The following SCD5 variants were observed in gnomAD, a reference collection of about 807,000 sequenced individuals.
SCD5 encodes stearoyl-CoA desaturase 5, also known as acyl-CoA-desaturase 4.
In SCD5, 20 loss-of-function variants were observed where a neutral mutation model predicts 30.4. The observed-to-expected ratio is 0.66, with a 90% confidence interval of 0.46 to 0.96. The LOEUF (loss-of-function observed/expected upper bound fraction) is 0.96, where lower values mean the gene tolerates loss of function less well. Among genes scored for constraint, SCD5 ranks in the 40% least tolerant of loss-of-function variants. The pLI is 0.00. For synonymous variants in SCD5, 173 were observed against 176.4 expected, an observed-to-expected ratio of 0.98 and a Z score of 0.16; for missense variants, 381 against 443.3, an observed-to-expected ratio of 0.86 and a Z score of 1.26.
intron 3 of SCD5, among the ~76,000 whole-genome samples, chr4:82,672,928 C>A (rs867186992): frequency 1.3e-5 from 2 of 151,872 alleles, no homozygotes; most frequent in South Asian, 2.1e-4. Flanking sequence ...ACATTACAGG[C>A]TAAAGAAGAA....
At chr4:82,752,273 T>TTATATATATATATATATATATA (rs139910934) in intron 1 of SCD5, among the ~76,000 whole-genome samples, 13 of 145,628 alleles carry the variant, frequency 8.9e-5, no homozygotes, top group African/African-American at 3.3e-4. Context: ...TTTTAAAAAA[T>TTATATATATATATATATATATA]TATATATATA....
intron 1 of SCD5, among the ~76,000 whole-genome samples, chr4:82,765,295 T>G (rs1431828459): frequency 3.9e-5 from 6 of 152,238 alleles, no homozygotes; most frequent in African/African-American, 7.2e-5. Context: ...TTTCTTTCAG[T>G]GCATTAAAGA....
intron 1 of SCD5, among the ~76,000 whole-genome samples, chr4:82,709,619 C>G (rs566738238): frequency 1.3e-5 from 2 of 152,186 alleles, no homozygotes; most frequent in Non-Finnish European, 2.9e-5. Context: ...CTCACAGATG[C>G]AAAGCCCTCA....
chr4:82,783,842 GAA>G (rs1721931598), intron 1 of SCD5, among the ~76,000 whole-genome samples: 1 of 149,248 alleles, frequency 6.7e-6, no homozygotes, highest in South Asian at 2.1e-4. Context: ...TTAAAAAAAA[GAA>G]AAAGATTTTT....
At chr4:82,712,958 G>C (rs1720142393) in intron 1 of SCD5, among the ~76,000 whole-genome samples, 1 of 152,152 alleles carries the variant, frequency 6.6e-6, no homozygotes, top group African/African-American at 2.4e-5. Flanking sequence ...AAGGGTGTTG[G>C]AGACTGCAAG....
chr4:82,770,030 ATTTATTT>A (rs1301967166), intron 1 of SCD5, among the ~76,000 whole-genome samples: 2 of 151,844 alleles, frequency 1.3e-5, no homozygotes, highest in East Asian at 1.9e-4. Flanking sequence ...ACCTCAATTT[ATTTATTT>A]TTTATTTTTT....
chr4:82,757,026 T>G (rs1376156427), intron 1 of SCD5, among the ~76,000 whole-genome samples: 1 of 152,128 alleles, frequency 6.6e-6, no homozygotes, highest in Non-Finnish European at 1.5e-5. Flanking sequence ...CCACTACATG[T>G]GATCCCACTC....
chr4:82,768,857 G>T (rs1304007427), intron 1 of SCD5, among the ~76,000 whole-genome samples: 1 of 151,948 alleles, frequency 6.6e-6, no homozygotes, highest in African/African-American at 2.4e-5. Context: ...TATGAGAGGT[G>T]TAGTGTGAAG....
At chr4:82,693,282 G>T (rs970790805) in intron 2 of SCD5, among the ~76,000 whole-genome samples, 2 of 152,064 alleles carry the variant, frequency 1.3e-5, no homozygotes, top group Non-Finnish European at 2.9e-5. Flanking sequence ...CTTCTAGGCT[G>T]GCCTCTTCCT....
At chr4:82,796,269 CAA>C (rs34612984) in intron 1 of SCD5, among the ~76,000 whole-genome samples, 22 of 105,396 alleles carry the variant, frequency 2.1e-4, no homozygotes, top group Admixed American at 5.2e-4. Flanking sequence ...GACTCTGTCT[CAA>C]AAAAAAAAAA....
rs1727742759 is a variant in SCD5, at chr4:82,651,099, T to C, written c.570-14276A>G. Among the ~76,000 whole-genome samples the C allele has an allele frequency of 2.0e-5, 3 of 152,236 alleles. No homozygotes were observed. In the South Asian group the frequency reaches 6.2e-4, roughly 32 times the overall value. On this transcript the variant is annotated intron_variant, in intron 3 of 4. Transcript: ENST00000319540. ...GCTGCAGGCAGTCTGTTGCAATATG[T>C]TGTTTTGGTTGAAGTCTATGAAGAA... is the stretch of plus-strand genomic sequence containing the variant.
rs575814438 is a variant in SCD5, at chr4:82,716,747, G to A, written c.233-11334C>T. On this transcript the variant is annotated intron_variant, in intron 1 of 4. Transcript: ENST00000319540. The stretch of plus-strand genomic sequence containing the variant: ...GAGAATCACTTGTACCTGAGAGGCA[G>A]AGGGTGCAATGAGCCGAGATCGTAC... Among the ~76,000 whole-genome samples, 76 of 151,916 alleles carry A rather than the reference G, an allele frequency of 5.0e-4. 2 individuals are homozygous for A. The highest frequency in any genetic ancestry group is 1.8e-3 in the African/African-American group (74 of 41,184).
At chr4:82,672,277 A>C (rs888548379) in intron 3 of SCD5, among the ~76,000 whole-genome samples, 2 of 152,262 alleles carry the variant, frequency 1.3e-5, no homozygotes, top group South Asian at 2.1e-4. Flanking sequence ...GGTTCTTTGA[A>C]TCAATTAATA....
chr4:82,738,661 G>C (rs1466357496), intron 1 of SCD5, among the ~76,000 whole-genome samples: 3 of 152,064 alleles, frequency 2.0e-5, no homozygotes, highest in Non-Finnish European at 2.9e-5. Context: ...AGAGGATCCT[G>C]GTAGACCATA....
intron 1 of SCD5, among the ~76,000 whole-genome samples, chr4:82,712,004 T>C (rs909098962): frequency 6.6e-6 from 1 of 151,566 alleles, no homozygotes; most frequent in South Asian, 2.1e-4. Context: ...GAGCTACCAT[T>C]GACTGAGAGC....
At chr4:82,736,854 C>T (rs1720762958) in intron 1 of SCD5, among the ~76,000 whole-genome samples, 1 of 151,904 alleles carries the variant, frequency 6.6e-6, no homozygotes, top group South Asian at 2.1e-4. Context: ...TTTGTAGACA[C>T]GGGGTCTTGC....
chr4:82,703,298 CATTA>C (rs1295340224), intron 2 of SCD5, among the ~76,000 whole-genome samples: 2 of 152,206 alleles, frequency 1.3e-5, no homozygotes, highest in Admixed American at 6.5e-5. Context: ...ACCTAACAAT[CATTA>C]ATTGTTTTCT....
At chr4:82,750,363 A>G (rs1284380591) in intron 1 of SCD5, among the ~76,000 whole-genome samples, 1 of 152,246 alleles carries the variant, frequency 6.6e-6, no homozygotes, top group Non-Finnish European at 1.5e-5. Flanking sequence ...GGAGTAACAC[A>G]GGACCAAACA....
intron 1 of SCD5, among the ~76,000 whole-genome samples, chr4:82,797,444 G>A (rs1270960602): frequency 6.6e-6 from 1 of 152,152 alleles, no homozygotes; most frequent in Non-Finnish European, 1.5e-5. Context: ...GTCGTGTAGG[G>A]TGGGCACGCA....
Sources: allele counts gnomAD v4.1 joint callset (sites outside exome capture counted in the v4.1 genomes callset), GRCh38; gene constraint gnomAD v4.1.1; transcripts MANE v1.5; gene names NCBI Gene and HGNC (gene_info 2026-07-23, HGNC 2026-07-21).